The following AFG2A variants were observed in gnomAD, a reference collection of about 807,000 sequenced individuals.
AFG2A encodes ATPase family gene 2 protein homolog A.
chr4:123,247,898 T>G, the AFG2A span, among the ~76,000 whole-genome samples: 3 of 152,260 alleles, frequency 2.0e-5, no homozygotes, highest in Non-Finnish European at 4.4e-5. Context: ...CCTTAAATTC[T>G]TACTTAATTT....
At chr4:122,927,707 T>C in the AFG2A span, 1 of 1,613,350 alleles carries the variant, frequency 6.2e-7, no homozygotes, top group Non-Finnish European at 8.5e-7. Flanking sequence ...AGTCTGCAAA[T>C]ATATGTATAG....
the AFG2A span, among the ~76,000 whole-genome samples, chr4:123,262,771 T>G: frequency 3.9e-5 from 6 of 152,332 alleles, no homozygotes; most frequent in East Asian, 9.6e-4. Flanking sequence ...TGTTTGCAAT[T>G]TAGAATGAAA....
At chr4:123,298,663 A>T in the AFG2A span, among the ~76,000 whole-genome samples, 1 of 152,318 alleles carries the variant, frequency 6.6e-6, no homozygotes, top group South Asian at 2.1e-4. Context: ...GGTCATGTTT[A>T]TTACAGCATG....
chr4:123,015,190 T>A, the AFG2A span, among the ~76,000 whole-genome samples: 3 of 150,578 alleles, frequency 2.0e-5, no homozygotes, highest in African/African-American at 7.3e-5. Flanking sequence ...TTCTTTCTTT[T>A]TTTTTTTTTT....
chr4:122,998,958 T>A, the AFG2A span, among the ~76,000 whole-genome samples: 1 of 152,002 alleles, frequency 6.6e-6, no homozygotes, highest in South Asian at 2.1e-4. Context: ...TTTCTCCACA[T>A]CCTCTCCAGC....
chr4:123,305,593 G>A, the AFG2A span, among the ~76,000 whole-genome samples: 2 of 152,170 alleles, frequency 1.3e-5, no homozygotes, highest in East Asian at 1.9e-4. Context: ...AAAGCACAGC[G>A]GGAATGAATA....
At chr4:123,042,842 T>G in the AFG2A span, among the ~76,000 whole-genome samples, 223 of 152,350 alleles carry the variant, frequency 1.5e-3, 1 homozygote, top group Non-Finnish European at 1.8e-3. Flanking sequence ...TTGTGCTGTA[T>G]TCTGTATTTT....
chr4:122,979,602 T>G, the AFG2A span, among the ~76,000 whole-genome samples: 1 of 152,148 alleles, frequency 6.6e-6, no homozygotes, highest in African/African-American at 2.4e-5. Flanking sequence ...GTGGCAACAT[T>G]TTGCAAAACT....
At chr4:123,042,541 G>T in the AFG2A span, among the ~76,000 whole-genome samples, 1 of 152,120 alleles carries the variant, frequency 6.6e-6, no homozygotes, top group Non-Finnish European at 1.5e-5. Context: ...ATTAAAGGTG[G>T]TCTCGTTTTC....
At chr4:123,171,830 A>T in the AFG2A span, among the ~76,000 whole-genome samples, 1 of 151,898 alleles carries the variant, frequency 6.6e-6, no homozygotes, top group Non-Finnish European at 1.5e-5. Flanking sequence ...TTGATATTTT[A>T]TATATATATA....
chr4:123,114,468 T>G, the AFG2A span, among the ~76,000 whole-genome samples: 6 of 152,158 alleles, frequency 3.9e-5, no homozygotes, highest in Admixed American at 6.5e-5. Flanking sequence ...CTCTCCTACT[T>G]GGCATCCATA....
At chr4:123,113,136 G>A in the AFG2A span, among the ~76,000 whole-genome samples, 1 of 152,250 alleles carries the variant, frequency 6.6e-6, no homozygotes, top group African/African-American at 2.4e-5. Context: ...TTTTCTGTGT[G>A]TGCATTTTCT....
chr4:122,957,316 G>A, the AFG2A span, among the ~76,000 whole-genome samples: 1 of 152,182 alleles, frequency 6.6e-6, no homozygotes, highest in Admixed American at 6.5e-5. Flanking sequence ...ACTAATGTTG[G>A]TTGTGAAGTG....
the AFG2A span, among the ~76,000 whole-genome samples, chr4:123,089,441 T>C: frequency 1.3e-5 from 2 of 152,204 alleles, no homozygotes; most frequent in African/African-American, 2.4e-5. Context: ...TCTATAATTG[T>C]CCACTCAGTT....
chr4:123,264,751 A>G, the AFG2A span, among the ~76,000 whole-genome samples: 1 of 152,214 alleles, frequency 6.6e-6, no homozygotes, highest in Non-Finnish European at 1.5e-5. Context: ...CTAGAACAAT[A>G]TGAGTTTAGC....
At chr4:123,084,653 G>C in the AFG2A span, among the ~76,000 whole-genome samples, 1 of 151,584 alleles carries the variant, frequency 6.6e-6, no homozygotes, top group Non-Finnish European at 1.5e-5. Flanking sequence ...GACAGAGACA[G>C]GGTCTTGCTC....
At chr4:123,054,727 A>G in the AFG2A span, among the ~76,000 whole-genome samples, 1 of 152,112 alleles carries the variant, frequency 6.6e-6, no homozygotes, top group Admixed American at 6.5e-5. Flanking sequence ...CAAAAAAAAA[A>G]TTAGTAATGT....
At chr4:123,225,932 T>C in the AFG2A span, among the ~76,000 whole-genome samples, 2 of 152,360 alleles carry the variant, frequency 1.3e-5, no homozygotes, top group Non-Finnish European at 2.9e-5. Context: ...TTCACATCCT[T>C]TGTAAGTTGG....
chr4:123,015,814 AC>A, the AFG2A span, among the ~76,000 whole-genome samples: 2,422 of 50,254 alleles, frequency 0.048, 44 homozygotes, highest in Middle Eastern at 0.078. Context: ...TGGGGGGCTG[AC>A]CCCCCCACCT....
Sources: gnomAD v4.1 joint callset for allele counts (sites outside exome capture counted in the v4.1 genomes callset) on GRCh38, gnomAD v4.1.1 for gene constraint, MANE v1.5 for transcripts, NCBI Gene and HGNC (gene_info 2026-07-23, HGNC 2026-07-21) for gene names.